Variants in STRBP observed in about 807,000 individuals in gnomAD.
The protein encoded by STRBP is spermatid perinuclear RNA binding protein, also known as spermatid perinuclear RNA-binding protein.
A neutral mutation model predicts 80.1 loss-of-function variants in STRBP; 13 were observed. That is an observed-to-expected ratio of 0.16 (90% CI 0.11 to 0.26). The LOEUF is 0.26. Among genes scored for constraint, STRBP ranks in the 10% least tolerant of loss-of-function variants. STRBP has a pLI of 1.00. For synonymous variants in STRBP, 284 were observed against 291.2 expected, an observed-to-expected ratio of 0.98 and a Z score of 0.25; for missense variants, 485 against 815.2, an observed-to-expected ratio of 0.59 and a Z score of 4.93.
chr9:123,206,411 A>G (rs901539750), intron 2 of STRBP, among the ~76,000 whole-genome samples: 4 of 152,164 alleles, frequency 2.6e-5, no homozygotes, highest in African/African-American at 9.6e-5. Flanking sequence ...GGGGAGTCAT[A>G]CCTTTTAGAG....
At chr9:123,129,596 T>TAC (rs1345243666) in intron 17 of STRBP, among the ~76,000 whole-genome samples, 1 of 152,168 alleles carries the variant, frequency 6.6e-6, no homozygotes, top group Non-Finnish European at 1.5e-5. Flanking sequence ...TCACCTCCCC[T>TAC]ACAAAGTCTC....
At chr9:123,214,795 G>GT (rs745714805) in intron 2 of STRBP, among the ~76,000 whole-genome samples, 3 of 152,108 alleles carry the variant, frequency 2.0e-5, no homozygotes, top group Non-Finnish European at 4.4e-5. Flanking sequence ...GAAAATCTCA[G>GT]TATTATGAAT....
rs551862512 is a variant in STRBP at position 123,128,939 on chromosome 9, A to C, written c.1898-681T>G. Among the ~76,000 whole-genome samples the C allele has an allele frequency of 3.3e-5, 5 of 152,364 alleles. No individual in the cohort carries two copies. In the East Asian group the frequency reaches 9.6e-4, roughly 29 times the overall value. On this transcript the variant is annotated intron_variant, in intron 17 of 18. Coordinates refer to ENST00000348403, the MANE Select transcript of STRBP (RefSeq NM_018387.5). ...GAAAAAGGCTCACATTATTAAGTAA[A>C]AGCAAGTACAAAGAAGTTTTTATAC...
chr9:123,263,489 C>T (rs2041200709), intron 1 of STRBP, among the ~76,000 whole-genome samples: 1 of 139,144 alleles, frequency 7.2e-6, no homozygotes, highest in Non-Finnish European at 1.5e-5. Flanking sequence ...CACACCACCA[C>T]ACTCCAGCCT....
intron 1 of STRBP, among the ~76,000 whole-genome samples, chr9:123,238,550 C>T (rs1050602320): frequency 6.6e-6 from 1 of 152,216 alleles, no homozygotes; most frequent in Non-Finnish European, 1.5e-5. Flanking sequence ...TAAGAGAGAA[C>T]AGTACATTGT....
rs762296515 is a variant in STRBP, at chr9:123,159,079, G to A, written c.835+17C>T. 4 of 1,585,784 alleles carry A rather than the reference G, an allele frequency of 2.5e-6. No individual in the cohort carries two copies. In the South Asian group the frequency reaches 4.4e-5, roughly 18 times the overall value. On this transcript the variant is annotated intron_variant, in intron 9 of 18. Coordinates refer to ENST00000348403, the MANE Select transcript of STRBP (RefSeq NM_018387.5). The stretch of plus-strand genomic sequence containing the variant: ...AGATTTGCTGATTGTTCTGCTTCCA[G>A]AGTTTGAAACCCTTACCAGGAAGTA...
At chr9:123,179,824 A>G (rs1317707804) in intron 3 of STRBP, among the ~76,000 whole-genome samples, 1 of 152,216 alleles carries the variant, frequency 6.6e-6, no homozygotes, top group Admixed American at 6.5e-5. Context: ...TGTCATCCAC[A>G]TCACACATCA....
intron 1 of STRBP, among the ~76,000 whole-genome samples, chr9:123,266,863 T>G (rs1218291673): frequency 6.6e-6 from 1 of 151,856 alleles, no homozygotes; most frequent in African/African-American, 2.4e-5. Context: ...CCTTCCTTCT[T>G]TCTCCCTACC....
chr9:123,159,090 C>A lies in STRBP; in HGVS notation c.835+6G>T. 1.2e-6 allele frequency: 2 copies of A among 1,608,744 alleles called. No individual in the cohort carries two copies. The highest frequency in any genetic ancestry group is 8.5e-7 in the Non-Finnish European group (1 of 1,175,484). ...TTGTTCTGCTTCCAGAGTTTGAAAC[C>A]CTTACCAGGAAGTAGTATTCCAGAT... is the stretch of plus-strand genomic sequence containing the variant. On this transcript the variant is annotated splice_donor_region_variant and intron_variant, in intron 9 of 18. Coordinates refer to ENST00000348403, the MANE Select transcript of STRBP (RefSeq NM_018387.5).
At chr9:123,232,848 A>C (rs2040436600) in intron 2 of STRBP, among the ~76,000 whole-genome samples, 2 of 152,202 alleles carry the variant, frequency 1.3e-5, no homozygotes. Context: ...AAGACCGATT[A>C]TCTGTAGAAG....
intron 2 of STRBP, among the ~76,000 whole-genome samples, chr9:123,216,136 T>C (rs760564203): frequency 3.9e-5 from 6 of 152,140 alleles, no homozygotes; most frequent in Non-Finnish European, 7.4e-5. Flanking sequence ...ACAGGAAGCG[T>C]CCTCTCATCT....
intron 1 of STRBP, among the ~76,000 whole-genome samples, chr9:123,250,974 T>C (rs1016713324): frequency 2.0e-5 from 3 of 152,074 alleles, no homozygotes; most frequent in Non-Finnish European, 4.4e-5. Flanking sequence ...ACAAAAAATT[T>C]TTTTTTAATT....
At chr9:123,163,931 T>G (rs902253463) in intron 6 of STRBP, among the ~76,000 whole-genome samples, 1 of 152,188 alleles carries the variant, frequency 6.6e-6, no homozygotes, top group Admixed American at 6.5e-5. Context: ...GCCATTTCAT[T>G]ATCTCCTAGA....
chr9:123,135,927 C>T, intron 16 of STRBP, 114 bp downstream of exon 16: 2 of 1,399,696 alleles, frequency 1.4e-6, no homozygotes, highest in Non-Finnish European at 1.9e-6. Context: ...GTCACCAAGT[C>T]CAAGAAAAGG....
At chr9:123,149,990 T>C (rs970304461) in intron 11 of STRBP, among the ~76,000 whole-genome samples, 2 of 152,170 alleles carry the variant, frequency 1.3e-5, no homozygotes, top group African/African-American at 4.8e-5. Flanking sequence ...GTGAGTGTAA[T>C]GAAGGACAAT....
At chr9:123,206,783 C>T (rs2039530867) in intron 2 of STRBP, among the ~76,000 whole-genome samples, 1 of 152,098 alleles carries the variant, frequency 6.6e-6, no homozygotes, top group African/African-American at 2.4e-5. Context: ...GAATTACAGG[C>T]ACCCGCCACC....
chr9:123,133,026 A>G, intron 16 of STRBP, 58 bp from the exon 17 acceptor site: 1 of 1,595,050 alleles, frequency 6.3e-7, no homozygotes, highest in East Asian at 2.2e-5. Flanking sequence ...TATTTCTTCT[A>G]TCATCTCTTC....
At chr9:123,143,463 C>T (rs1041968034) in intron 13 of STRBP, among the ~76,000 whole-genome samples, 4 of 152,202 alleles carry the variant, frequency 2.6e-5, no homozygotes, top group Non-Finnish European at 5.9e-5. Flanking sequence ...GTACAAAACC[C>T]TCACCAAGCG....
chr9:123,114,482 A>C (rs550918995), intron 3 of STRBP: 1 of 167,272 alleles, frequency 6.0e-6, no homozygotes, highest in Non-Finnish European at 1.5e-5. Flanking sequence ...CAGCATGAAC[A>C]ACCACCCGGT....
Sources: gnomAD v4.1 joint callset for allele counts (sites outside exome capture counted in the v4.1 genomes callset) on GRCh38, gnomAD v4.1.1 for gene constraint, MANE v1.5 for transcripts, NCBI Gene and HGNC (gene_info 2026-07-23, HGNC 2026-07-21) for gene names.